SYNPR: variants seen among roughly 807,000 people sequenced by gnomAD.
SYNPR encodes the protein synaptoporin.
A neutral mutation model predicts 32.9 loss-of-function variants in SYNPR; 23 were observed. That is an observed-to-expected ratio of 0.70 (90% CI 0.50 to 0.99). The LOEUF (loss-of-function observed/expected upper bound fraction) is 0.99, where lower values mean the gene tolerates loss of function less well. Ranked by LOEUF, SYNPR falls within the 50% of genes least tolerant of loss-of-function variation. The pLI, the probability that SYNPR is intolerant of heterozygous loss-of-function variation, is 0.00. For missense variants in SYNPR, 318 were observed against 349.3 expected, an observed-to-expected ratio of 0.91 and a Z score of 0.71; for synonymous variants, 146 against 135.9, an observed-to-expected ratio of 1.07 and a Z score of -0.52.
intron 2 of SYNPR, among the ~76,000 whole-genome samples, chr3:63,289,763 G>C (rs982294423): frequency 2.0e-5 from 3 of 152,138 alleles, no homozygotes; most frequent in Non-Finnish European, 2.9e-5. Context: ...ATAGTATGTA[G>C]AGACAAGTGC....
chr3:63,235,857 A>T (rs1482256946), intron 1 of SYNPR, among the ~76,000 whole-genome samples: 3 of 152,060 alleles, frequency 2.0e-5, no homozygotes, highest in Non-Finnish European at 4.4e-5. Flanking sequence ...AACAGATCAA[A>T]AGTTTTTCAT....
chr3:63,349,578 G>T (rs1255602900), intron 2 of SYNPR, among the ~76,000 whole-genome samples: 1 of 152,140 alleles, frequency 6.6e-6, no homozygotes, highest in Non-Finnish European at 1.5e-5. Context: ...TATTGTAAAT[G>T]GGACTGCCTT....
At chr3:63,431,705 C>T (rs1471518891) in intron 2 of SYNPR, among the ~76,000 whole-genome samples, 3 of 150,404 alleles carry the variant, frequency 2.0e-5, no homozygotes, top group Non-Finnish European at 4.4e-5. Context: ...AACTGTTACA[C>T]GAATCATCAA....
intron 1 of SYNPR, among the ~76,000 whole-genome samples, chr3:63,250,631 T>C (rs2086323918): frequency 6.6e-6 from 1 of 152,180 alleles, no homozygotes; most frequent in Non-Finnish European, 1.5e-5. Flanking sequence ...CACAAAACAT[T>C]TTCTTTAATT....
chr3:63,240,428 G>A (rs1248582496), intron 1 of SYNPR, among the ~76,000 whole-genome samples: 1 of 152,116 alleles, frequency 6.6e-6, no homozygotes, highest in Non-Finnish European at 1.5e-5. Flanking sequence ...CTCATGAGAA[G>A]GGAGAGGCTT....
intron 4 of SYNPR, among the ~76,000 whole-genome samples, chr3:63,595,244 C>T (rs1293252480): frequency 1.3e-5 from 2 of 152,132 alleles, no homozygotes; most frequent in Admixed American, 1.3e-4. Context: ...GCCATTTGCA[C>T]ATGATTAGAG....
At chr3:63,288,914 A>T (rs2086712102) in intron 2 of SYNPR, among the ~76,000 whole-genome samples, 1 of 152,194 alleles carries the variant, frequency 6.6e-6, no homozygotes, top group African/African-American at 2.4e-5. Context: ...TGGAACTTAA[A>T]GAAGCATCAG....
intron 2 of SYNPR, among the ~76,000 whole-genome samples, chr3:63,257,292 GA>G (rs1287584243): frequency 1.3e-5 from 2 of 152,090 alleles, no homozygotes; most frequent in Non-Finnish European, 2.9e-5. Flanking sequence ...TGAAATGAAG[GA>G]AAAAATGTTA....
chr3:63,556,621 G>A lies in SYNPR; in HGVS notation c.288G>A (p.Ser96=), dbSNP rs370783898. The A allele has an allele frequency of 1.5e-5, 25 of 1,613,720 alleles. No homozygotes were observed. The highest frequency in any genetic ancestry group is 6.6e-5 in the South Asian group (6 of 91,066). ...RQKLALIGDS[S]SSAEFFVTVA... ...AGCTGGCATTGATTGGTGACTCCTC[G>A]TCTTCAGCAGAGTTCTTCGTCACTG... The change falls in exon 4 of 6, where the codon TCG becomes TCA. Residue 96 remains serine, a synonymous_variant. Coordinates refer to ENST00000478300, the MANE Select transcript of SYNPR (RefSeq NM_001130003.2).
intron 3 of SYNPR, among the ~76,000 whole-genome samples, chr3:63,498,493 A>G (rs1701414617): frequency 6.6e-6 from 1 of 152,138 alleles, no homozygotes; most frequent in African/African-American, 2.4e-5. Context: ...AAAATTAAAC[A>G]GAGTGATGTG....
chr3:63,384,469 G>A (rs2088015618), intron 2 of SYNPR, among the ~76,000 whole-genome samples: 3 of 152,144 alleles, frequency 2.0e-5, no homozygotes, highest in Admixed American at 1.3e-4. Context: ...TGACTACAGT[G>A]TGTAATTTTA....
At chr3:63,451,140 A>C (rs1206223875) in intron 2 of SYNPR, among the ~76,000 whole-genome samples, 1 of 152,226 alleles carries the variant, frequency 6.6e-6, no homozygotes, top group Admixed American at 6.5e-5. Flanking sequence ...AACTTCCCAG[A>C]GTTATGAAGA....
intron 2 of SYNPR, among the ~76,000 whole-genome samples, chr3:63,455,105 T>C (rs1439641754): frequency 2.0e-5 from 3 of 152,158 alleles, no homozygotes; most frequent in Non-Finnish European, 4.4e-5. Context: ...TTTGACGTTA[T>C]AGTTTAGTGA....
intron 2 of SYNPR, among the ~76,000 whole-genome samples, chr3:63,402,481 C>A (rs780487956): frequency 2.0e-5 from 3 of 152,134 alleles, no homozygotes. Flanking sequence ...TGACAAGAAC[C>A]ATAAAGGATT....
chr3:63,299,096 T>C (rs569810771), intron 2 of SYNPR, among the ~76,000 whole-genome samples: 1 of 152,138 alleles, frequency 6.6e-6, no homozygotes, highest in African/African-American at 2.4e-5. Flanking sequence ...ATAGAATAAA[T>C]CTATTCTGAC....
At chr3:63,596,169 A>G (rs984709812) in intron 4 of SYNPR, among the ~76,000 whole-genome samples, 25 of 150,448 alleles carry the variant, frequency 1.7e-4, no homozygotes, top group African/African-American at 6.1e-4. Context: ...GCTCTCAGAC[A>G]CTGCCGCTGC....
intron 3 of SYNPR, among the ~76,000 whole-genome samples, chr3:63,513,259 C>G (rs1246352094): frequency 2.0e-5 from 3 of 150,460 alleles, no homozygotes; most frequent in Non-Finnish European, 3.0e-5. Context: ...CTGTGTTGCC[C>G]AGGCTGGTCT....
rs1700108295 is a variant in SYNPR at position 63,605,744 on chromosome 3, C to T, written c.409-3381C>T. On this transcript the variant is annotated intron_variant, in intron 4 of 5. Transcript: ENST00000478300. ...GCATCATGATACAATGAAATTTGAG[C>T]ATTGATTTGAAGAAAGAAAGAAGAA... Among the ~76,000 whole-genome samples the T allele has an allele frequency of 2.6e-5, 4 of 152,140 alleles. No individual in the cohort carries two copies. In the South Asian group the frequency reaches 8.3e-4, roughly 32 times the overall value.
At chr3:63,432,214 T>A (rs1048856479) in intron 2 of SYNPR, among the ~76,000 whole-genome samples, 8 of 152,140 alleles carry the variant, frequency 5.3e-5, no homozygotes, top group Non-Finnish European at 1.5e-5. Context: ...ATCCCTTCAT[T>A]TCCCTGTCTC....
Sources: gnomAD v4.1 joint callset for allele counts (sites outside exome capture counted in the v4.1 genomes callset) on GRCh38, gnomAD v4.1.1 for gene constraint, MANE v1.5 for transcripts, NCBI Gene and HGNC (gene_info 2026-07-23, HGNC 2026-07-21) for gene names.